C2orf15: variants seen among roughly 807,000 people sequenced by gnomAD.
The protein encoded by C2orf15 is uncharacterized protein C2orf15.
C2orf15 carries 3 observed loss-of-function variants against 4.4 expected under a neutral mutation model. That is an observed-to-expected ratio of 0.67 (90% confidence interval 0.31 to 1.74). The LOEUF is 1.74. Among genes scored for constraint, C2orf15 ranks in the 40% most tolerant of loss-of-function variants. C2orf15 has a pLI of 0.09. For missense variants in C2orf15, 90 were observed against 103.3 expected (o/e 0.87, Z 0.56); for synonymous variants, 37 against 36.8 (o/e 1.00, Z -0.02).
chr2:99,147,388 C>G lies in C2orf15; in HGVS notation c.-168-14C>G. 1 of 1,302,154 alleles carries G rather than the reference C, an allele frequency of 7.7e-7. No homozygotes were observed. The highest frequency in any genetic ancestry group is 1.1e-6 in the Non-Finnish European group (1 of 897,628). The allele number at this position is 1,302,154 out of a possible 1,614,324, so 80.7% of individuals were successfully genotyped here. ...ATCTCTTTATGTACCTTTATTCTTA[C>G]ATATATATTCCAGATTTCTTCTTGA... On this transcript the variant is annotated splice_polypyrimidine_tract_variant and intron_variant, in intron 2 of 3. Transcript: ENST00000650052.
Position 99,151,077 on chromosome 2 carries a change from C to A in C2orf15, c.*243C>A. On this transcript the variant is annotated 3_prime_UTR_variant, in exon 4 of 4. Transcript: ENST00000650052. ...GATTTCTCTGGTATTATATTATATC[C>A]TTCTTAAAAACCAGAGTTTTTAAGT... is the stretch of plus-strand genomic sequence containing the variant. 3.0e-6 allele frequency: 1 copy of A among 330,942 alleles called. No homozygotes were observed. Among genetic ancestry groups the A allele is most frequent in the Non-Finnish European group, 5.5e-6 (1 of 182,356 alleles). 20.5% of individuals were successfully genotyped at this position (330,942 alleles called of 1,614,324 possible). A position where few individuals can be genotyped will look rare whatever the true frequency, so the allele number is the denominator to read the frequency against.
intron 2 of C2orf15, among the ~76,000 whole-genome samples, chr2:99,143,419 A>G (rs1436834207): frequency 6.6e-6 from 1 of 150,696 alleles, no homozygotes; most frequent in East Asian, 1.9e-4. Context: ...TCAGCCTCCC[A>G]AAGTGCTGGG....
At chr2:99,147,700 GTAATAA>G (rs905713225) in intron 3 of C2orf15, among the ~76,000 whole-genome samples, 1 of 152,070 alleles carries the variant, frequency 6.6e-6, no homozygotes, top group Admixed American at 6.5e-5. Context: ...CTACAGAAAT[GTAATAA>G]TAATAATATG....
chr2:99,145,678 TAACA>T (rs2093624649), intron 2 of C2orf15, among the ~76,000 whole-genome samples: 1 of 152,152 alleles, frequency 6.6e-6, no homozygotes, highest in East Asian at 1.9e-4. Context: ...CCACATAACA[TAACA>T]TAGTCCCAGC....
rs536666220 is a variant in C2orf15 at position 99,144,111 on chromosome 2, C to G, written c.-169+1710C>G. ...TCTCCGCTCACTGGAAGCTCTGCCTCGCGGCTTCACGCCATTCTCCTGCCT... is the reference window on the plus strand; with the variant it reads ...TCTCCGCTCACTGGAAGCTCTGCCTGGCGGCTTCACGCCATTCTCCTGCCT... On this transcript the variant is annotated intron_variant, in intron 2 of 3. Transcript: ENST00000650052. Among the ~76,000 whole-genome samples the G allele has an allele frequency of 3.3e-5, 5 of 152,256 alleles. No homozygotes were observed. In the East Asian group the frequency reaches 9.7e-4, roughly 30 times the overall value.
intron 2 of C2orf15, among the ~76,000 whole-genome samples, chr2:99,145,433 C>G (rs2093621699): frequency 6.6e-6 from 1 of 152,078 alleles, no homozygotes; most frequent in Non-Finnish European, 1.5e-5. Flanking sequence ...GTGGCAGGCA[C>G]CTGTAATCCC....
In C2orf15 at chr2:99,151,437, T is replaced by C. The variant is rs1210225890; in HGVS notation, c.*603T>C. 8.6e-6 allele frequency: 1 copy of C among 115,734 alleles called. No individual in the cohort carries two copies. The highest frequency in any genetic ancestry group is 1.6e-5 in the Non-Finnish European group (1 of 61,572). 7.2% of individuals were successfully genotyped at this position (115,734 alleles called of 1,614,324 possible). A position where few individuals can be genotyped will look rare whatever the true frequency, so the allele number is the denominator to read the frequency against. On this transcript the variant is annotated 3_prime_UTR_variant, in exon 4 of 4. Coordinates refer to ENST00000650052, the MANE Select transcript of C2orf15 (RefSeq NM_144706.4). ...GAGGTCATGCCATTGTACTCCAGCC[T>C]GGGCAACAAGAGCAAAACTCCGTCT...
At chr2:99,147,887 CAAGGACATTGACTT>C (rs1475254993) in intron 3 of C2orf15, among the ~76,000 whole-genome samples, 1 of 152,156 alleles carries the variant, frequency 6.6e-6, no homozygotes, top group Non-Finnish European at 1.5e-5. Flanking sequence ...TTCCTAAGAA[CAAGGACATTGACTT>C]ATATAACCAC....
At chr2:99,144,015 T>A (rs2093604908) in intron 2 of C2orf15, among the ~76,000 whole-genome samples, 1 of 106,980 alleles carries the variant, frequency 9.3e-6, no homozygotes, top group South Asian at 3.4e-4. Flanking sequence ...TGATGCTGTG[T>A]TCCTTTTTTT....
In C2orf15 at chr2:99,150,332, C is replaced by A. The variant is rs943306238; in HGVS notation, c.-76-151C>A. The stretch of plus-strand genomic sequence containing the variant: ...AATAAATCTTTAGAACCTGCAAACC[C>A]TCCCACAAAGAAAATGTAAACACTG... On this transcript the variant is annotated intron_variant, in intron 3 of 3. Coordinates refer to ENST00000650052, the MANE Select transcript of C2orf15 (RefSeq NM_144706.4). 23 of 509,016 alleles carry A rather than the reference C, an allele frequency of 4.5e-5. No homozygotes were observed. The Admixed American group carries it at 8.3e-4, about 18-fold the overall frequency. 31.5% of individuals were successfully genotyped at this position (509,016 alleles called of 1,614,324 possible).
chr2:99,150,991 T>A lies in C2orf15; in HGVS notation c.*157T>A, dbSNP rs1384052203. On this transcript the variant is annotated 3_prime_UTR_variant, in exon 4 of 4. Coordinates refer to ENST00000650052, the MANE Select transcript of C2orf15 (RefSeq NM_144706.4). ...TGAATCATCTTACACTGCATTTTTT[T>A]ATGATGCTTATTCAAAAGGCAGTTG... The A allele has an allele frequency of 2.4e-5, 12 of 509,260 alleles. No individual in the cohort carries two copies. Among genetic ancestry groups the A allele is most frequent in the Non-Finnish European group, 3.9e-5 (11 of 284,474 alleles). The allele number at this position is 509,260 out of a possible 1,614,324, so 31.5% of individuals were successfully genotyped here.
chr2:99,150,674 A>G lies in C2orf15; in HGVS notation c.116A>G (p.Gln39Arg), dbSNP rs975513236. 7.4e-6 allele frequency: 12 copies of G among 1,613,990 alleles called. No homozygotes were observed. The highest frequency in any genetic ancestry group is 1.0e-5 in the Non-Finnish European group (12 of 1,180,000). ...AAAAGCAGGTTGGAACCAGCGACTCAGTTATTTCAAAACACCAAGAAAATA... is the reference window on the plus strand; with the variant it reads ...AAAAGCAGGTTGGAACCAGCGACTCGGTTATTTCAAAACACCAAGAAAATA... ...TEKSRLEPAT[Q>R]LFQNTKKIRL... Residue 39 changes from glutamine to arginine, a missense_variant, in exon 4 of 4, where the codon CAG (glutamine) becomes CGG (arginine). Gln to Arg is a conservative substitution (Grantham distance 43). Coordinates refer to ENST00000650052, the MANE Select transcript of C2orf15 (RefSeq NM_144706.4).
At chr2:99,149,364 C>T (rs1488162534) in intron 3 of C2orf15, among the ~76,000 whole-genome samples, 1 of 151,782 alleles carries the variant, frequency 6.6e-6, no homozygotes, top group Non-Finnish European at 1.5e-5. Context: ...TCCTGCCCAT[C>T]TTTGAAAGCG....
chr2:99,147,896 T>A (rs112322355), intron 3 of C2orf15, among the ~76,000 whole-genome samples: 3 of 152,340 alleles, frequency 2.0e-5, no homozygotes, highest in African/African-American at 7.2e-5. Context: ...ACAAGGACAT[T>A]GACTTATATA....
intron 2 of C2orf15, among the ~76,000 whole-genome samples, chr2:99,143,458 CT>C (rs772829065): frequency 0.012 from 1,699 of 140,976 alleles, 12 homozygotes; most frequent in Admixed American, 0.016. Context: ...TGCGCCCAGA[CT>C]TTTTTTTTTT....
chr2:99,150,015 A>C (rs1408948489), intron 3 of C2orf15, among the ~76,000 whole-genome samples: 1 of 151,806 alleles, frequency 6.6e-6, no homozygotes, highest in African/African-American at 2.4e-5. Context: ...CTGGTCTCTC[A>C]ATCCTAACCT....
At chr2:99,144,605 T>G (rs944856743) in intron 2 of C2orf15, among the ~76,000 whole-genome samples, 2 of 123,390 alleles carry the variant, frequency 1.6e-5, no homozygotes, top group African/African-American at 3.0e-5. Context: ...GCCGAGATCG[T>G]GCCATCGCCC....
chr2:99,143,067 TA>T (rs2093589211), intron 2 of C2orf15, among the ~76,000 whole-genome samples: 1 of 150,342 alleles, frequency 6.7e-6, no homozygotes, highest in Non-Finnish European at 1.5e-5. Flanking sequence ...CCTGAGAAAG[TA>T]AAAATTTCCT....
chr2:99,146,870 G>A (rs1231626346), intron 2 of C2orf15, among the ~76,000 whole-genome samples: 1 of 152,018 alleles, frequency 6.6e-6, no homozygotes, highest in African/African-American at 2.4e-5. Context: ...CTCGTGATCC[G>A]CCCACCTCAG....
Sources: allele counts gnomAD v4.1 joint callset (sites outside exome capture counted in the v4.1 genomes callset), GRCh38; gene constraint gnomAD v4.1.1; transcripts MANE v1.5; gene names NCBI Gene and HGNC (gene_info 2026-07-23, HGNC 2026-07-21).